SZT2: variants seen among roughly 807,000 people sequenced by gnomAD.
SZT2 encodes KICSTOR complex protein SZT2.
A neutral mutation model predicts 404.2 loss-of-function variants in SZT2; 216 were observed. The ratio of observed to expected loss-of-function variants is 0.53; its 90% CI spans 0.48 to 0.60. The LOEUF (loss-of-function observed/expected upper bound fraction) is 0.60, where lower values mean the gene tolerates loss of function less well. SZT2 is among the 20% of genes least tolerant of loss of function. The pLI, the probability that SZT2 is intolerant of heterozygous loss-of-function variation, is 0.00. For missense variants in SZT2, 3,857 were observed against 4,459.2 expected (o/e 0.86, Z 3.85); for synonymous variants, 1,693 against 1,749.9 (o/e 0.97, Z 0.81).
rs1444852133 is a variant in SZT2 at position 43,420,657 on chromosome 1, T to G, written c.1262-92T>G. The stretch of plus-strand genomic sequence containing the variant: ...CTTGGAACCTTTGGCAGGACTGGGT[T>G]CCATGAGGTAGGTGGGGGTTTCAGA... On this transcript the variant is annotated intron_variant, in intron 9 of 71. Transcript: ENST00000634258. This position sits in a 1 kb window ranked among gnomAD's most constrained non-coding sequence, Gnocchi z 5.1. 3 of 1,263,216 alleles carry G rather than the reference T, an allele frequency of 2.4e-6. No homozygotes were observed. The highest frequency in any genetic ancestry group is 3.3e-6 in the Non-Finnish European group (3 of 909,238). The allele number at this position is 1,263,216 out of a possible 1,614,324, so 78.3% of individuals were successfully genotyped here. A position where few individuals can be genotyped will look rare whatever the true frequency, so the allele number is the denominator to read the frequency against.
At position 43,439,739 on chromosome 1, in the gene SZT2, C is replaced by T. The variant is rs752242169; in HGVS notation, c.7012C>T (p.Arg2338Cys). Residue 2338 changes from arginine to cysteine, a missense_variant, in exon 50 of 72, where the codon CGC becomes TGC. Arg to Cys is a radical substitution (Grantham distance 180). Transcript: ENST00000634258. This position sits in a 1 kb window ranked among gnomAD's most constrained non-coding sequence, Gnocchi z 4.2. ...ATTTGAGCAACTGACCCAGGTCATC[C>T]GCTGCCCGGTTGTTGTGGACAGTTC... ...EEFEQLTQVI[R>C]CPVVVDSSSA... The T allele has an allele frequency of 1.4e-5, 22 of 1,605,358 alleles. No homozygotes were observed. In the African/African-American group the frequency reaches 1.5e-4, roughly 11 times the overall value.
At position 43,442,879 on chromosome 1, in the gene SZT2, C is replaced by T. The variant is rs749217751; in HGVS notation, c.8212C>T (p.Pro2738Ser). ...GGAGACCCTCATCCGGAGTGCAAGT[C>T]CCCCGCTGAGCCGTGAGCAGGGCCG... is the stretch of plus-strand genomic sequence containing the variant. ...EVETLIRSASPPLSREQGRLS... is the reference protein window; with the variant it reads ...EVETLIRSASSPLSREQGRLS... The change falls in exon 59 of 72, where the codon CCC (proline) becomes TCC (serine). Residue 2738 changes from proline (P) to serine (S), a missense_variant. Pro to Ser is a moderately conservative substitution (Grantham distance 74). Around this residue, in one of 7 missense-constraint regions of SZT2, gnomAD observed 573 missense variants for 592.4 expected, o/e 0.97. Transcript: ENST00000634258. This position sits in a 1 kb window ranked among gnomAD's most constrained non-coding sequence, Gnocchi z 4.5. The T allele has an allele frequency of 6.2e-6, 10 of 1,613,522 alleles. No homozygotes were observed. Among genetic ancestry groups the T allele is most frequent in the African/African-American group, 1.3e-5 (1 of 74,908 alleles).
At chr1:43,391,476 G>T (rs1004154256) in intron 1 of SZT2, among the ~76,000 whole-genome samples, 1 of 152,194 alleles carries the variant, frequency 6.6e-6, no homozygotes, top group Non-Finnish European at 1.5e-5. Flanking sequence ...ACTGGGATTT[G>T]GTGTGGTAAG....
chr1:43,431,069 C>T lies in SZT2; in HGVS notation c.4895C>T (p.Ala1632Val). ...CCCCTGGAAGTGGAGCTCCCCACGG[C>T]CTCGGACCCTCAGCACCACCGGTGT... Reference protein sequence around the residue: ...TLPLEVELPTASDPQHHRSTS... With the variant: ...TLPLEVELPTVSDPQHHRSTS... Residue 1632 changes from alanine to valine, a missense_variant, in exon 33 of 72, where the codon GCC becomes GTC. Physicochemically the swap from Ala to Val is moderately conservative, Grantham distance 64. This residue lies in a region of SZT2 where 1,725 missense variants were observed against 1,881.0 expected (regional missense o/e 0.92). Coordinates refer to ENST00000634258, the MANE Select transcript of SZT2 (RefSeq NM_001365999.1). 6.2e-7 allele frequency: 1 copy of T among 1,613,832 alleles called. No individual in the cohort carries two copies. Among genetic ancestry groups the T allele is most frequent in the African/African-American group, 1.3e-5 (1 of 74,968 alleles).
Position 43,403,783 on chromosome 1 carries a change from T to C in SZT2, c.327+9T>C. On this transcript the variant is annotated intron_variant, in intron 3 of 71. Transcript: ENST00000634258. ...CATCTACTGGCATTGTGGTAAAGGATTGAAGGGAGACTGTGGGAAGAAAGG... is the reference window on the plus strand; with the variant it reads ...CATCTACTGGCATTGTGGTAAAGGACTGAAGGGAGACTGTGGGAAGAAAGG... 1 of 1,611,518 alleles carries C rather than the reference T, an allele frequency of 6.2e-7. No homozygotes were observed. Among genetic ancestry groups the C allele is most frequent in the East Asian group, 2.2e-5 (1 of 44,752 alleles).
intron 1 of SZT2, among the ~76,000 whole-genome samples, chr1:43,393,737 G>A (rs1648672958): frequency 6.6e-6 from 1 of 152,174 alleles, no homozygotes; most frequent in South Asian, 2.1e-4. Flanking sequence ...TTAATGAGAT[G>A]GACCATGCTT....
Position 43,435,192 on chromosome 1 carries a change from T to C in SZT2, c.5905-8T>C. Reference sequence around the variant, plus strand: ...TTCAGTTCCCTGACCTCATGCTCCTTCTCCCAGCGACTGCTTCTTCAAGAC... The same window carrying C: ...TTCAGTTCCCTGACCTCATGCTCCTCCTCCCAGCGACTGCTTCTTCAAGAC... On this transcript the variant is annotated splice_region_variant and splice_polypyrimidine_tract_variant and intron_variant, in intron 41 of 71. Coordinates refer to ENST00000634258, the MANE Select transcript of SZT2 (RefSeq NM_001365999.1). The C allele has an allele frequency of 1.2e-6, 2 of 1,613,964 alleles. No homozygotes were observed. The highest frequency in any genetic ancestry group is 1.7e-6 in the Non-Finnish European group (2 of 1,179,854).
In SZT2 at chr1:43,441,905, A is replaced by G. The variant is rs866905810; in HGVS notation, c.7742+87A>G. 6.3e-7 allele frequency: 1 copy of G among 1,595,682 alleles called. No individual in the cohort carries two copies. The highest frequency in any genetic ancestry group is 1.7e-4 in the Middle Eastern group (1 of 5,924). The stretch of plus-strand genomic sequence containing the variant: ...CAGGAAGCCAAACCTGAGGAAGCTG[A>G]GCTAGGAGAGGTGGAAACAAGGCCC... On this transcript the variant is annotated intron_variant, in intron 55 of 71. Transcript: ENST00000634258. The surrounding 1 kb of genome is among the most constrained non-coding windows in gnomAD (Gnocchi z 4.8).
At chr1:43,443,899 G>T (rs1424990241) in intron 62 of SZT2, 103 bp downstream of exon 62, 4 of 1,452,646 alleles carry the variant, frequency 2.8e-6, no homozygotes, top group Non-Finnish European at 3.8e-6. Flanking sequence ...GACAATTTGG[G>T]CTGGGCCTGT....
Position 43,452,789 on chromosome 1 carries a change from C to A in SZT2, c.*2309C>A. 9.0e-7 allele frequency: 1 copy of A among 1,116,602 alleles called. No individual in the cohort carries two copies. The highest frequency in any genetic ancestry group is 1.4e-5 in the South Asian group (1 of 70,530). 69.2% of individuals were successfully genotyped at this position (1,116,602 alleles called of 1,614,324 possible). On this transcript the variant is annotated 3_prime_UTR_variant, in exon 72 of 72. Transcript: ENST00000634258. ...CCTGTTTGGCCTCTGCAGGATTTGA[C>A]ATTTGAATCAGCCCCACTTTGAGCC... is the stretch of plus-strand genomic sequence containing the variant.
chr1:43,432,703 C>T (rs1291723457), intron 38 of SZT2, 25 bp from the exon 39 acceptor site: 1 of 1,613,686 alleles, frequency 6.2e-7, no homozygotes, highest in African/African-American at 1.3e-5. Context: ...GAGAGAGGCT[C>T]CAGGCATTTT....
At position 43,431,634 on chromosome 1, in the gene SZT2, C is replaced by G. The variant is rs938257037; in HGVS notation, c.5089-82C>G. On this transcript the variant is annotated intron_variant, in intron 35 of 71. Coordinates refer to ENST00000634258, the MANE Select transcript of SZT2 (RefSeq NM_001365999.1). ...GTGAGGCCTCTCTCAGTCTGTGAGG[C>G]AAATTATCTTCTAGTCCGGGAGTAA... 11 of 1,599,300 alleles carry G rather than the reference C, an allele frequency of 6.9e-6. No homozygotes were observed. The African/African-American group carries it at 1.3e-4, about 20-fold the overall frequency.
intron 40 of SZT2, 64 bp downstream of exon 40, chr1:43,433,254 T>C: frequency 6.5e-7 from 1 of 1,540,218 alleles, no homozygotes; most frequent in Non-Finnish European, 8.9e-7. Flanking sequence ...GCTCCCACAG[T>C]ACCTCTCTCC....
intron 42 of SZT2, 127 bp downstream of exon 42, chr1:43,435,456 G>C: frequency 9.4e-7 from 1 of 1,065,786 alleles, no homozygotes; most frequent in Non-Finnish European, 1.3e-6. Context: ...ACTAGAGAGA[G>C]AGCAAGGAGG....
At position 43,448,523 on chromosome 1, in the gene SZT2, G is replaced by T; in HGVS notation, c.9969+39G>T. The T allele has an allele frequency of 6.2e-7, 1 of 1,610,466 alleles. No individual in the cohort carries two copies. Among genetic ancestry groups the T allele is most frequent in the Non-Finnish European group, 8.5e-7 (1 of 1,177,804 alleles). On this transcript the variant is annotated intron_variant, in intron 69 of 71. Coordinates refer to ENST00000634258, the MANE Select transcript of SZT2 (RefSeq NM_001365999.1). This position sits in a 1 kb window ranked among gnomAD's most constrained non-coding sequence, Gnocchi z 4.2. ...GGCTCCCGAAAGAGCTGGGATAGGT[G>T]CCAGGAATTCCACTGGCAGCCAGGG...
At chr1:43,446,699 A>G (rs1570735599) in intron 65 of SZT2, 1 of 616,804 alleles carries the variant, frequency 1.6e-6, no homozygotes, top group East Asian at 2.8e-5. Context: ...GCAGACCCTG[A>G]TGGAATCTGG....
rs1652885022 is a variant in SZT2, at chr1:43,424,376, A to C, written c.2415A>C (p.Gly805=). Residue 805 remains glycine, a synonymous_variant, in exon 16 of 72, where the codon GGA becomes GGC. Coordinates refer to ENST00000634258, the MANE Select transcript of SZT2 (RefSeq NM_001365999.1). The surrounding 1 kb of genome is among the most constrained non-coding windows in gnomAD (Gnocchi z 4.1). The part of the protein sequence containing the change: ...HQRWLWSVPS[G]LAPALPLSAI... The stretch of plus-strand genomic sequence containing the variant: ...GCTGGCTTTGGAGTGTCCCGTCAGG[A>C]CTGGCCCCTGCGCTGCCTCTCAGTG... 1 of 1,598,044 alleles carries C rather than the reference A, an allele frequency of 6.3e-7. No individual in the cohort carries two copies. Among genetic ancestry groups the C allele is most frequent in the East Asian group, 2.2e-5 (1 of 44,878 alleles).
rs781164275 is a variant in SZT2, at chr1:43,442,151, G to T, written c.7873+21G>T. 1.3e-6 allele frequency: 2 copies of T among 1,538,974 alleles called. No individual in the cohort carries two copies. Among genetic ancestry groups the T allele is most frequent in the Non-Finnish European group, 1.8e-6 (2 of 1,114,334 alleles). ...GCAGGGTGAGGGCATGGCCCGGGGGGGCGGGGGGCGGGTAGGCTAAGAGTA... is the reference window on the plus strand; with the variant it reads ...GCAGGGTGAGGGCATGGCCCGGGGGTGCGGGGGGCGGGTAGGCTAAGAGTA... On this transcript the variant is annotated intron_variant, in intron 56 of 71. Transcript: ENST00000634258. The surrounding 1 kb of genome is among the most constrained non-coding windows in gnomAD (Gnocchi z 4.5).
Position 43,425,214 on chromosome 1 carries a change from C to T in SZT2, c.2645+7C>T. Reference sequence around the variant, plus strand: ...CTACCTCCACCAAAGACAGGTGAGACAGGCCATCTGTGAGGGCCGCCTCTG... The same window carrying T: ...CTACCTCCACCAAAGACAGGTGAGATAGGCCATCTGTGAGGGCCGCCTCTG... On this transcript the variant is annotated splice_region_variant and intron_variant, in intron 18 of 71. Coordinates refer to ENST00000634258, the MANE Select transcript of SZT2 (RefSeq NM_001365999.1). The surrounding 1 kb of genome is among the most constrained non-coding windows in gnomAD (Gnocchi z 4.3). The T allele has an allele frequency of 6.2e-7, 1 of 1,614,120 alleles. No homozygotes were observed. The highest frequency in any genetic ancestry group is 1.7e-5 in the Admixed American group (1 of 60,026).
Sources: allele counts gnomAD v4.1 joint callset (sites outside exome capture counted in the v4.1 genomes callset), GRCh38; gene constraint gnomAD v4.1.1; regional missense constraint gnomAD v4.1.1; non-coding constraint Gnocchi (gnomAD v3.1); transcripts MANE v1.5; gene names NCBI Gene and HGNC (gene_info 2026-07-23, HGNC 2026-07-21).